The following SLC43A1 variants were observed in gnomAD, a reference collection of about 807,000 sequenced individuals.
SLC43A1 encodes the protein large neutral amino acids transporter small subunit 3.
A neutral mutation model predicts 59.5 loss-of-function variants in SLC43A1; 31 were observed. That is an observed-to-expected ratio of 0.52 (90% CI 0.39 to 0.70). SLC43A1 has a LOEUF of 0.70. SLC43A1 is among the 30% of genes least tolerant of loss of function. The probability of loss-of-function intolerance (pLI) is 0.00; values close to 1 mark genes in which losing one functional copy is unlikely to be tolerated. For synonymous variants in SLC43A1, 259 were observed against 290.9 expected, an observed-to-expected ratio of 0.89 and a Z score of 1.12; for missense variants, 598 against 717.8, an observed-to-expected ratio of 0.83 and a Z score of 1.91.
At position 57,514,324 on chromosome 11, in the gene SLC43A1, G is replaced by A. The variant is rs1944627633; in HGVS notation, c.-13-200C>T. ...CAGTGCCAGAGGTGCACGCGGCACG[G>A]GGCTCCCGCTGAGCCACTATCGGAA... is the stretch of plus-strand genomic sequence containing the variant. On this transcript the variant is annotated intron_variant, in intron 1 of 14. Coordinates refer to ENST00000278426, the MANE Select transcript of SLC43A1 (RefSeq NM_003627.6). The surrounding 1 kb of genome is among the most constrained non-coding windows in gnomAD (Gnocchi z 5.5). 1.7e-6 allele frequency: 1 copy of A among 585,572 alleles called. No individual in the cohort carries two copies. The highest frequency in any genetic ancestry group is 3.3e-5 in the Admixed American group (1 of 30,630). 36.3% of individuals were successfully genotyped at this position (585,572 alleles called of 1,614,324 possible). A position where few individuals can be genotyped will look rare whatever the true frequency, so the allele number is the denominator to read the frequency against.
chr11:57,491,358 C>A lies in SLC43A1; in HGVS notation c.1059G>T (p.Gly353=). ...EQQQKVAETV[G]FYSSVFGAMQ... ...TGGCCCCGAAGACGGAGGAGTAGAA[C>A]CCAACTGGGCAGGATGGGAAGGGCA... is the stretch of plus-strand genomic sequence containing the variant. The change falls in exon 11 of 15, where the codon GGG becomes GGT. Residue 353 remains glycine, a synonymous_variant. Coordinates refer to ENST00000278426, the MANE Select transcript of SLC43A1 (RefSeq NM_003627.6). 6.3e-7 allele frequency: 1 copy of A among 1,590,972 alleles called. No homozygotes were observed. The highest frequency in any genetic ancestry group is 1.1e-5 in the South Asian group (1 of 87,214).
chr11:57,514,171 G>C lies in SLC43A1; in HGVS notation c.-13-47C>G. ...GGTGAAGGGCCCCCCAGTGGCCCCA[G>C]GGAAGGGTCCTGCATCATGGTGGCA... On this transcript the variant is annotated intron_variant, in intron 1 of 14. Transcript: ENST00000278426. The surrounding 1 kb of genome is among the most constrained non-coding windows in gnomAD (Gnocchi z 5.5). The C allele has an allele frequency of 1.3e-6, 2 of 1,515,704 alleles. No individual in the cohort carries two copies. The highest frequency in any genetic ancestry group is 1.3e-5 in the South Asian group (1 of 79,570). The allele number at this position is 1,515,704 out of a possible 1,614,324, so 93.9% of individuals were successfully genotyped here.
chr11:57,484,858 T>C lies in SLC43A1; in HGVS notation c.*238A>G. On this transcript the variant is annotated 3_prime_UTR_variant, in exon 15 of 15. Coordinates refer to ENST00000278426, the MANE Select transcript of SLC43A1 (RefSeq NM_003627.6). Reference sequence around the variant, plus strand: ...CCTCCAACCCAAGGAGGAAGAAGGCTCAACCCCTCTAGGATAGGGACTGTC... The same window carrying C: ...CCTCCAACCCAAGGAGGAAGAAGGCCCAACCCCTCTAGGATAGGGACTGTC... 1 of 418,528 alleles carries C rather than the reference T, an allele frequency of 2.4e-6. No homozygotes were observed. Among genetic ancestry groups the C allele is most frequent in the Non-Finnish European group, 4.2e-6 (1 of 237,902 alleles). 25.9% of individuals were successfully genotyped at this position (418,528 alleles called of 1,614,324 possible). A position where few individuals can be genotyped will look rare whatever the true frequency, so the allele number is the denominator to read the frequency against.
intron 13 of SLC43A1, among the ~76,000 whole-genome samples, chr11:57,488,030 T>C (rs1267389084): frequency 6.6e-6 from 1 of 152,038 alleles, no homozygotes; most frequent in Non-Finnish European, 1.5e-5. Flanking sequence ...AGTAAAGCCT[T>C]TGGCTTTTAC....
At chr11:57,499,024 G>A (rs148609082) in intron 5 of SLC43A1, among the ~76,000 whole-genome samples, 6 of 151,998 alleles carry the variant, frequency 3.9e-5, no homozygotes, top group Non-Finnish European at 8.8e-5. Flanking sequence ...CAACAGCTCT[G>A]GTAAAAAAGG....
chr11:57,492,479 TA>T (rs199557170), intron 8 of SLC43A1, among the ~76,000 whole-genome samples: 37 of 130,994 alleles, frequency 2.8e-4, no homozygotes, highest in Middle Eastern at 3.9e-3. Context: ...AATTTATATA[TA>T]AAAAATAATA....
intron 2 of SLC43A1, 73 bp downstream of exon 2, chr11:57,513,885 T>C (rs899678235): frequency 3.8e-5 from 48 of 1,263,406 alleles, no homozygotes; most frequent in South Asian, 2.7e-4. Context: ...CCTGGCCACC[T>C]AACCTTTTCT....
rs1485006761 is a variant in SLC43A1, at chr11:57,505,327, C to T, written c.155-3998G>A. ...AGGAGTTCAAGACCCACCTGGCCAA[C>T]ATGGTGAAACCCTGTCTCTACTAAA... On this transcript the variant is annotated intron_variant, in intron 2 of 14. Transcript: ENST00000278426. Among the ~76,000 whole-genome samples, 7 of 152,174 alleles carry T rather than the reference C, an allele frequency of 4.6e-5. No homozygotes were observed. In the East Asian group the frequency reaches 1.2e-3, roughly 25 times the overall value.
chr11:57,490,842 G>A (rs7119008), intron 11 of SLC43A1, among the ~76,000 whole-genome samples: 13 of 152,300 alleles, frequency 8.5e-5, no homozygotes, highest in Admixed American at 2.0e-4. Flanking sequence ...AGACTTTAGC[G>A]TGTACCCTTA....
chr11:57,513,313 G>A (rs1053243420), intron 2 of SLC43A1, among the ~76,000 whole-genome samples: 3 of 152,220 alleles, frequency 2.0e-5, no homozygotes, highest in African/African-American at 7.2e-5. Context: ...AGAATAGGAA[G>A]ATACCCATCA....
chr11:57,488,771 G>A (rs1030238883), intron 13 of SLC43A1, 145 bp downstream of exon 13: 3 of 719,260 alleles, frequency 4.2e-6, no homozygotes, highest in African/African-American at 1.7e-5. Context: ...AGGATAGGCT[G>A]CCTTTAAGGA....
At chr11:57,496,954 G>T (rs1944107625) in intron 6 of SLC43A1, among the ~76,000 whole-genome samples, 1 of 152,012 alleles carries the variant, frequency 6.6e-6, no homozygotes, top group South Asian at 2.1e-4. Flanking sequence ...AGCTTCAAAG[G>T]GCCACACCCC....
intron 9 of SLC43A1, 44 bp from the exon 10 acceptor site, chr11:57,491,670 G>T: frequency 6.2e-7 from 1 of 1,614,178 alleles, no homozygotes; most frequent in Non-Finnish European, 8.5e-7. Context: ...CAGCCAGGGT[G>T]ACCCGCCTGT....
chr11:57,514,360 TC>T lies in SLC43A1; in HGVS notation c.-13-237del. 1.9e-6 allele frequency: 1 copy of T among 520,832 alleles called. No homozygotes were observed. Among genetic ancestry groups the T allele is most frequent in the South Asian group, 2.4e-5 (1 of 41,280 alleles). The allele number at this position is 520,832 out of a possible 1,614,324, so 32.3% of individuals were successfully genotyped here. A position where few individuals can be genotyped will look rare whatever the true frequency, so the allele number is the denominator to read the frequency against. On this transcript the variant is annotated intron_variant, in intron 1 of 14. Transcript: ENST00000278426. This position sits in a 1 kb window ranked among gnomAD's most constrained non-coding sequence, Gnocchi z 5.5. ...GAGCCACTATCGGAAACAAGGAAGG[TC>T]CTGTCTGCGCGCTGCAGCTTCCTAG...
intron 2 of SLC43A1, among the ~76,000 whole-genome samples, chr11:57,506,641 C>T (rs7934626): frequency 0.096 from 14,569 of 152,220 alleles, 801 homozygotes; most frequent in African/African-American, 0.15. Context: ...GACATCCACA[C>T]TATTCCCATG....
Position 57,494,288 on chromosome 11 carries a change from T to G in SLC43A1, c.693-117A>C, listed in dbSNP as rs529815501. Reference sequence around the variant, plus strand: ...AGCACTCCTTTACCCGGCATTGACATGCTCACAAGCTCCTAATGCAGAGCT... The same window carrying G: ...AGCACTCCTTTACCCGGCATTGACAGGCTCACAAGCTCCTAATGCAGAGCT... On this transcript the variant is annotated intron_variant, in intron 7 of 14. Coordinates refer to ENST00000278426, the MANE Select transcript of SLC43A1 (RefSeq NM_003627.6). 4 of 915,770 alleles carry G rather than the reference T, an allele frequency of 4.4e-6. No homozygotes were observed. In the East Asian group the frequency reaches 8.5e-5, roughly 19 times the overall value. 56.7% of individuals were successfully genotyped at this position (915,770 alleles called of 1,614,324 possible).
chr11:57,514,046 C>G lies in SLC43A1; in HGVS notation c.66G>C (p.Glu22Asp). The G allele has an allele frequency of 1.2e-6, 2 of 1,608,086 alleles. No homozygotes were observed. Among genetic ancestry groups the G allele is most frequent in the Non-Finnish European group, 1.7e-6 (2 of 1,177,176 alleles). ...GGAGTACAGCAGAGAAGAAGAGGTTCTCCAGCACAGCCGTGCAGGCCATCC... is the reference window on the plus strand; with the variant it reads ...GGAGTACAGCAGAGAAGAAGAGGTTGTCCAGCACAGCCGTGCAGGCCATCC... ...RWWMACTAVL[E>D]NLFFSAVLLG... The change falls in exon 2 of 15, where the codon GAG becomes GAC. Residue 22 changes from glutamate (E) to aspartate (D), a missense_variant. By Grantham distance (45) the Glu-to-Asp change is conservative. Coordinates refer to ENST00000278426, the MANE Select transcript of SLC43A1 (RefSeq NM_003627.6). This position sits in a 1 kb window ranked among gnomAD's most constrained non-coding sequence, Gnocchi z 5.5.
At position 57,491,612 on chromosome 11, in the gene SLC43A1, G is replaced by C; in HGVS notation, c.1033C>G (p.Gln345Glu). The C allele has an allele frequency of 1.2e-6, 2 of 1,614,164 alleles. No individual in the cohort carries two copies. The highest frequency in any genetic ancestry group is 1.7e-6 in the Non-Finnish European group (2 of 1,180,022). The stretch of plus-strand genomic sequence containing the variant: ...CTACCTGTCTCTGCCACCTTTTGTT[G>C]CTGTTCATTTGTCTCTGTGGGTAGG... ...GGQEHETNEQ[Q>E]QKVAETVGFY... The change falls in exon 10 of 15, where the codon CAA (glutamine) becomes GAA (glutamate). Residue 345 changes from glutamine (Q) to glutamate (E), a missense_variant. Physicochemically the swap from Gln to Glu is conservative, Grantham distance 29. Transcript: ENST00000278426.
At position 57,485,200 on chromosome 11, in the gene SLC43A1, A is replaced by G; in HGVS notation, c.1576T>C (p.Leu526=). The G allele has an allele frequency of 6.2e-7, 1 of 1,613,974 alleles. No homozygotes were observed. The highest frequency in any genetic ancestry group is 1.6e-4 in the Middle Eastern group (1 of 6,062). The change falls in exon 15 of 15, where the codon TTG becomes CTG. Residue 526 remains leucine, a synonymous_variant. Transcript: ENST00000278426. The stretch of plus-strand genomic sequence containing the variant: ...CGGTAATAGAAGAGGTAGGAAGGCA[A>G]CAGGAATCCCAGGAGTGAGAATAGC... ...LLLFSLLGFL[L]PSYLFYYRAR...
Sources: allele counts gnomAD v4.1 joint callset (sites outside exome capture counted in the v4.1 genomes callset), GRCh38; gene constraint gnomAD v4.1.1; non-coding constraint Gnocchi (gnomAD v3.1); transcripts MANE v1.5; gene names NCBI Gene and HGNC (gene_info 2026-07-23, HGNC 2026-07-21).